NBPF12: variants seen among roughly 807,000 people sequenced by gnomAD.
NBPF12 encodes NBPF member 12.
NBPF12 carries 115 observed loss-of-function variants against 146.4 expected under a neutral mutation model. The ratio of observed to expected loss-of-function variants is 0.79; its 90% confidence interval spans 0.68 to 0.92. The LOEUF (loss-of-function observed/expected upper bound fraction) is 0.92, where lower values mean the gene tolerates loss of function less well. Among genes scored for constraint, NBPF12 ranks in the 40% least tolerant of loss-of-function variants. The pLI is 0.00. For missense variants in NBPF12, 1,205 were observed against 1,326.8 expected (o/e 0.91, Z 1.43); for synonymous variants, 385 against 508.9 (o/e 0.76, Z 3.28).
At position 146,962,878 on chromosome 1, in the gene NBPF12, C is replaced by T. The variant is rs1234229646; in HGVS notation, c.279-217C>T. ...TTACAGAAGAGAAAGATGAATGGAA[C>T]ATCATCGAGGATCTTGCAGGAGCCC... On this transcript the variant is annotated intron_variant, in intron 5 of 33. Transcript: ENST00000617844. Among the ~76,000 whole-genome samples, 20 of 151,456 alleles carry T rather than the reference C, an allele frequency of 1.3e-4. 1 individual carries two copies. In the South Asian group the frequency reaches 3.8e-3, roughly 29 times the overall value.
At chr1:146,941,722 C>T (rs1308605856) in intron 1 of NBPF12, among the ~76,000 whole-genome samples, 1 of 142,508 alleles carries the variant, frequency 7.0e-6, no homozygotes, top group Non-Finnish European at 1.5e-5. Context: ...CTACTGTACT[C>T]CAGCCTGGTT....
At chr1:146,969,724 G>A (rs1183230065) in intron 11 of NBPF12, 128 bp downstream of exon 14, 10 of 1,542,542 alleles carry the variant, frequency 6.5e-6, no homozygotes, top group Non-Finnish European at 8.9e-6. Context: ...GCCATGACAT[G>A]ACCAGGACTT....
chr1:146,949,030 C>T (rs1177172562), upstream of NBPF12, among the ~76,000 whole-genome samples: 2 of 151,914 alleles, frequency 1.3e-5, no homozygotes, highest in Non-Finnish European at 2.9e-5. Context: ...ACGTGTTTAC[C>T]TGCTGATCTT....
chr1:146,979,075 A>T (rs1241432814), intron 19 of NBPF12, 65 bp downstream of exon 22: 1 of 427,358 alleles, frequency 2.3e-6, no homozygotes, highest in Non-Finnish European at 4.0e-6. Flanking sequence ...GATTTAGGGA[A>T]AATGAGGAAG....
At position 146,964,989 on chromosome 1, in the gene NBPF12, C is replaced by T. The variant is rs1553885414; in HGVS notation, c.663C>T (p.Ile221=). 12 of 1,607,012 alleles carry T rather than the reference C, an allele frequency of 7.5e-6. No homozygotes were observed. In the African/African-American group the frequency reaches 1.7e-4, roughly 22 times the overall value. Residue 221 remains isoleucine (I), a synonymous_variant, in exon 8 of 34, where the codon ATC becomes ATT. Coordinates refer to ENST00000617844, the Ensembl canonical transcript of NBPF12. Reference sequence around the variant, plus strand: ...ATAGCCACGGCCCTTGTGACTCCATCCAGCCTCACAAGAACATCAAAATCA... The same window carrying T: ...ATAGCCACGGCCCTTGTGACTCCATTCAGCCTCACAAGAACATCAAAATCA...
intron 25 of NBPF12, among the ~76,000 whole-genome samples, chr1:146,987,733 TTGTGTG>T (rs782154969): frequency 0.016 from 2,340 of 143,914 alleles, no homozygotes; most frequent in Non-Finnish European, 0.023. Context: ...GTGTGTGTGT[TTGTGTG>T]TGTGTGTGTG....
exon 34 of NBPF12, chr1:146,994,503 C>G (rs782748121): frequency 3.1e-6 from 5 of 1,608,632 alleles, no homozygotes; most frequent in East Asian, 4.5e-5. Context: ...TTGACATGGA[C>G]AATAGCTTTT....
rs1290213831 is a variant in NBPF12 at position 146,970,261 on chromosome 1, G to A, written c.1307-386G>A. On this transcript the variant is annotated intron_variant, in intron 11 of 33. Coordinates refer to ENST00000617844, the Ensembl canonical transcript of NBPF12. ...TGACGAATAGAGGACTGTGGGACAA[G>A]TTTGTCCTCTCCTAAGAGAAAGAAT... Among the ~76,000 whole-genome samples, 17 of 150,272 alleles carry A rather than the reference G, an allele frequency of 1.1e-4. 1 individual carries two copies. The highest frequency in any genetic ancestry group is 1.1e-3 in the Admixed American group (17 of 15,150).
At chr1:146,992,462 CTGTGTG>C (rs1163182082) in intron 31 of NBPF12, among the ~76,000 whole-genome samples, 1,587 of 66,012 alleles carry the variant, frequency 0.024, 42 homozygotes, top group South Asian at 0.04. Flanking sequence ...CTCTCTCTCT[CTGTGTG>C]TGTGTGTGTG....
intron 8 of NBPF12, 99 bp from the exon 12 acceptor site, chr1:146,966,365 A>G: frequency 1.9e-6 from 2 of 1,059,970 alleles, no homozygotes; most frequent in South Asian, 1.2e-5. Context: ...ATCTTCGAAT[A>G]AGTACACAAG....
chr1:146,975,087 A>G lies in NBPF12; in HGVS notation c.1904+246A>G, dbSNP rs1656896172. ...AAGTAATTGTTGATGTGAAATTTAC[A>G]TAACACAAAATTAACCAAAGGAGTG... On this transcript the variant is annotated intron_variant, in intron 15 of 33. Transcript: ENST00000617844. Among the ~76,000 whole-genome samples, 4 of 125,580 alleles carry G rather than the reference A, an allele frequency of 3.2e-5. No individual in the cohort carries two copies. In the South Asian group the frequency reaches 9.7e-4, roughly 31 times the overall value. The allele number at this position is 125,580 out of a possible 152,430, so 82.4% of individuals were successfully genotyped here.
At position 146,982,825 on chromosome 1, in the gene NBPF12, G is replaced by C. The variant is rs1188218457; in HGVS notation, c.2451-103G>C. 4.2e-6 allele frequency: 6 copies of C among 1,442,998 alleles called. No homozygotes were observed. In the African/African-American group the frequency reaches 7.2e-5, roughly 17 times the overall value. The allele number at this position is 1,442,998 out of a possible 1,614,324, so 89.4% of individuals were successfully genotyped here. A position where few individuals can be genotyped will look rare whatever the true frequency, so the allele number is the denominator to read the frequency against. ...TAAAGGAAAAATGCCTTTGGTTTCT[G>C]TGACCACTCCATTCTGTCTCCCATC... On this transcript the variant is annotated intron_variant, in intron 19 of 33. Transcript: ENST00000617844.
rs1325482732 is a variant in NBPF12, at chr1:146,968,658, G to A, written c.1091+108G>A. On this transcript the variant is annotated intron_variant, in intron 10 of 33. Coordinates refer to ENST00000617844, the Ensembl canonical transcript of NBPF12. ...CTAAGCTGGGCCAGGGGAAGGGCAG[G>A]AATTGCCATGGCAGGCTCGCTACAC... 6.1e-6 allele frequency: 6 copies of A among 990,140 alleles called. No individual in the cohort carries two copies. The South Asian group carries it at 7.8e-5, about 13-fold the overall frequency. The allele number at this position is 990,140 out of a possible 1,614,324, so 61.3% of individuals were successfully genotyped here. A position where few individuals can be genotyped will look rare whatever the true frequency, so the allele number is the denominator to read the frequency against.
intron 31 of NBPF12, among the ~76,000 whole-genome samples, chr1:146,992,477 TG>T (rs1658253186): frequency 7.5e-6 from 1 of 132,610 alleles, no homozygotes; most frequent in Non-Finnish European, 1.6e-5. Context: ...TGTGTGTGTG[TG>T]TGTGTGTGTG....
chr1:146,954,097 A>G (rs1166185505), intron 2 of NBPF12, among the ~76,000 whole-genome samples: 1 of 148,912 alleles, frequency 6.7e-6, no homozygotes, highest in Non-Finnish European at 1.5e-5. Context: ...TGTGCTTATA[A>G]ATAAATTCAA....
chr1:146,957,653 T>A (rs1655653104), intron 2 of NBPF12: 4 of 132,268 alleles, frequency 3.0e-5, no homozygotes, highest in African/African-American at 1.1e-4. Context: ...GCCACGAGGC[T>A]GTAGATGGAG....
intron 4 of NBPF12, among the ~76,000 whole-genome samples, chr1:146,960,813 C>A (rs1655799787): frequency 6.6e-6 from 1 of 151,962 alleles, no homozygotes; most frequent in Non-Finnish European, 1.5e-5. Flanking sequence ...GGAGTCTGCT[C>A]CTAATAGAAC....
chr1:146,958,106 T>G (rs1195882935), intron 2 of NBPF12, among the ~76,000 whole-genome samples: 2 of 116,004 alleles, frequency 1.7e-5, no homozygotes, highest in East Asian at 6.5e-4. Flanking sequence ...TCATTTACAC[T>G]AGGTATATAT....
chr1:146,947,178 G>A (rs1380582637), upstream of NBPF12, among the ~76,000 whole-genome samples: 1 of 151,492 alleles, frequency 6.6e-6, no homozygotes, highest in Non-Finnish European at 1.5e-5. Flanking sequence ...AGTAAAACTT[G>A]GAAATGTGTA....
Sources: allele counts gnomAD v4.1 joint callset (sites outside exome capture counted in the v4.1 genomes callset), GRCh38; gene constraint gnomAD v4.1.1; transcripts MANE v1.5; gene names NCBI Gene and HGNC (gene_info 2026-07-23, HGNC 2026-07-21).